ESD: variants seen among roughly 807,000 people sequenced by gnomAD.
The protein encoded by ESD is S-formylglutathione hydrolase.
ESD carries 34 observed loss-of-function variants against 38.1 expected under a neutral mutation model. The observed-to-expected ratio is 0.89, with a 90% CI of 0.68 to 1.19. ESD has a LOEUF of 1.19. Among genes scored for constraint, ESD ranks in the 50% most tolerant of loss-of-function variants. ESD has a pLI of 0.00. For synonymous variants in ESD, 97 were observed against 107.0 expected, an observed-to-expected ratio of 0.91 and a Z score of 0.58; for missense variants, 334 against 327.2, an observed-to-expected ratio of 1.02 and a Z score of -0.16.
At chr13:46,787,391 T>C (rs765568129) in intron 3 of ESD, among the ~76,000 whole-genome samples, 5 of 152,096 alleles carry the variant, frequency 3.3e-5, no homozygotes, top group Non-Finnish European at 5.9e-5. Context: ...ATGTAATTCA[T>C]TGTGGCATTT....
upstream of ESD, chr13:46,797,213 G>C (rs988146393): frequency 2.9e-4 from 44 of 152,418 alleles, no homozygotes; most frequent in African/African-American, 1.1e-3. Flanking sequence ...CGCCCCTCCG[G>C]TCCCACTCAC....
Position 46,791,397 on chromosome 13 carries a change from A to G in ESD, c.17T>C (p.Ile6Thr), listed in dbSNP as rs1875395559. MALKQ[I>T]SSNKCFGGLQ... is the part of the protein sequence containing the mutation. Reference sequence around the variant, plus strand: ...TCCCCCAAAGCACTTGTTGCTGGAAATCTGCTTCAATGCCATTCTTTTCCT... The same window carrying G: ...TCCCCCAAAGCACTTGTTGCTGGAAGTCTGCTTCAATGCCATTCTTTTCCT... The change falls in exon 3 of 10, where the codon ATT (isoleucine) becomes ACT (threonine). Residue 6 changes from isoleucine (I) to threonine (T), a missense_variant. By Grantham distance (89) the Ile-to-Thr change is moderately conservative. Coordinates refer to ENST00000378720, the MANE Select transcript of ESD (RefSeq NM_001984.2). 1 of 1,612,708 alleles carries G rather than the reference A, an allele frequency of 6.2e-7. No individual in the cohort carries two copies. Among genetic ancestry groups the G allele is most frequent in the South Asian group, 1.1e-5 (1 of 90,966 alleles).
chr13:46,784,493 T>TGATG (rs1406664274), intron 4 of ESD, 143 bp from the exon 5 acceptor site: 12 of 580,912 alleles, frequency 2.1e-5, no homozygotes, highest in Non-Finnish European at 3.7e-5. Flanking sequence ...ACTACCCGGG[T>TGATG]GATGGTATCT....
intron 3 of ESD, 139 bp downstream of exon 3, chr13:46,791,207 T>C (rs1234904625): frequency 1.6e-6 from 1 of 618,464 alleles, no homozygotes; most frequent in Non-Finnish European, 2.8e-6. Flanking sequence ...AATTGTCAAA[T>C]ACATAACCAC....
intron 9 of ESD, chr13:46,775,719 C>T (rs771540723): frequency 1.1e-5 from 5 of 466,940 alleles, no homozygotes; most frequent in South Asian, 1.6e-5. Context: ...TAGAAAATTG[C>T]ACCTGAGCTC....
intron 3 of ESD, among the ~76,000 whole-genome samples, chr13:46,790,925 T>C (rs1875374584): frequency 6.6e-6 from 1 of 152,174 alleles, no homozygotes; most frequent in Non-Finnish European, 1.5e-5. Context: ...TATGTGTGCG[T>C]GTGTGTTTAA....
intron 1 of ESD, among the ~76,000 whole-genome samples, chr13:46,794,308 A>C (rs77010524): frequency 0.012 from 1,884 of 152,208 alleles, 36 homozygotes; most frequent in African/African-American, 0.041. Context: ...CCATTCCCCT[A>C]AAGGTCAAAC....
rs1875053287 is a variant in ESD, at chr13:46,782,763, C to T, written c.285G>A (p.Glu95=). 1 of 1,612,172 alleles carries T rather than the reference C, an allele frequency of 6.2e-7. No individual in the cohort carries two copies. The highest frequency in any genetic ancestry group is 1.7e-5 in the Admixed American group (1 of 59,816). The part of the protein sequence containing the change: ...PRGCNIKGED[E]SWDFGTGAGF... ...CAGCACCAGTGCCAAAGTCCCAGCT[C>T]TCATCTTCACCTTTAATATTGCAGC... Residue 95 remains glutamate (E), a synonymous_variant, in exon 6 of 10, where the codon GAG becomes GAA. Coordinates refer to ENST00000378720, the MANE Select transcript of ESD (RefSeq NM_001984.2).
chr13:46,781,773 G>C (rs1373939114), intron 6 of ESD, among the ~76,000 whole-genome samples, 158 bp from the exon 7 acceptor site: 1 of 151,758 alleles, frequency 6.6e-6, no homozygotes. Context: ...TAAATCCTCA[G>C]GCAGACCATG....
At chr13:46,774,094 T>C (rs8192892) in intron 9 of ESD, among the ~76,000 whole-genome samples, 17,257 of 152,166 alleles carry the variant, frequency 0.11, 1,283 homozygotes, top group East Asian at 0.4. Flanking sequence ...TGACTGAGTA[T>C]GCCATATTTT....
chr13:46,771,859 C>A (rs1874618292), intron 9 of ESD, among the ~76,000 whole-genome samples: 1 of 152,072 alleles, frequency 6.6e-6, no homozygotes, highest in African/African-American at 2.4e-5. Context: ...AGAGTAGACA[C>A]TGTCATTGAA....
chr13:46,780,008 C>T lies in ESD; in HGVS notation c.527G>A (p.Cys176Tyr), dbSNP rs1874944931. Reference protein sequence around the residue: ...YKSVSAFAPICNPVLCPWGKK... With the variant: ...YKSVSAFAPIYNPVLCPWGKK... Reference sequence around the variant, plus strand: ...GCCCCAGGGACAGAGTACAGGGTTGCAAATTGGAGCAAATGCTGACACAGA... The same window carrying T: ...GCCCCAGGGACAGAGTACAGGGTTGTAAATTGGAGCAAATGCTGACACAGA... The change falls in exon 8 of 10, where the codon TGC becomes TAC. Residue 176 changes from cysteine to tyrosine, a missense_variant. Physicochemically the swap from Cys to Tyr is radical, Grantham distance 194 (BLOSUM62 -2). Transcript: ENST00000378720. 3 of 1,596,974 alleles carry T rather than the reference C, an allele frequency of 1.9e-6. No homozygotes were observed. The highest frequency in any genetic ancestry group is 2.3e-5 in the East Asian group (1 of 44,296).
intron 1 of ESD, among the ~76,000 whole-genome samples, chr13:46,796,351 T>C (rs76208683): frequency 0.04 from 6,098 of 152,316 alleles, 395 homozygotes; most frequent in African/African-American, 0.14. Flanking sequence ...CAGTAATATA[T>C]ATCAATTTGA....
intron 1 of ESD, among the ~76,000 whole-genome samples, chr13:46,795,078 C>G (rs1361043351): frequency 6.6e-6 from 1 of 152,196 alleles, no homozygotes; most frequent in African/African-American, 2.4e-5. Context: ...CAAACCATTC[C>G]TCTTTTCATT....
chr13:46,795,780 T>C (rs1259225492), intron 1 of ESD, among the ~76,000 whole-genome samples: 3 of 148,876 alleles, frequency 2.0e-5, no homozygotes, highest in South Asian at 4.2e-4. Context: ...TGAGACAGGG[T>C]CAAACTCTGT....
chr13:46,773,709 G>T (rs1410819010), intron 9 of ESD, among the ~76,000 whole-genome samples: 1 of 152,172 alleles, frequency 6.6e-6, no homozygotes, highest in East Asian at 1.9e-4. Flanking sequence ...GGTAACTTAA[G>T]TCTTCTAAAG....
chr13:46,793,851 G>GT (rs1676633143), intron 1 of ESD, among the ~76,000 whole-genome samples: 1 of 152,154 alleles, frequency 6.6e-6, no homozygotes, highest in Non-Finnish European at 1.5e-5. Flanking sequence ...TGGCTCAGTT[G>GT]TAAGTCGAAC....
intron 3 of ESD, among the ~76,000 whole-genome samples, chr13:46,789,914 C>T (rs148247699): frequency 0.012 from 1,873 of 151,860 alleles, 35 homozygotes; most frequent in African/African-American, 0.041. Flanking sequence ...CTCCCAGGTT[C>T]AAGCAATTCT....
At chr13:46,788,869 C>T (rs1243602282) in intron 3 of ESD, among the ~76,000 whole-genome samples, 1 of 152,074 alleles carries the variant, frequency 6.6e-6, no homozygotes, top group Admixed American at 6.6e-5. Flanking sequence ...AATTTCCTCT[C>T]TAATACAGTC....
Sources: allele counts gnomAD v4.1 joint callset (sites outside exome capture counted in the v4.1 genomes callset), GRCh38; gene constraint gnomAD v4.1.1; transcripts MANE v1.5; gene names NCBI Gene and HGNC (gene_info 2026-07-23, HGNC 2026-07-21).